SYNE2: variants seen among roughly 807,000 people sequenced by gnomAD.
SYNE2 encodes spectrin repeat containing nuclear envelope protein 2.
A neutral mutation model predicts 856.3 loss-of-function variants in SYNE2; 431 were observed. That is an observed-to-expected ratio of 0.50 (90% CI 0.47 to 0.55). SYNE2 has a LOEUF of 0.55. SYNE2 is among the 20% of genes least tolerant of loss of function. The pLI, the probability that SYNE2 is intolerant of heterozygous loss-of-function variation, is 0.00. For missense variants in SYNE2, 8,129 were observed against 8,023.2 expected (o/e 1.01, Z -0.50); for synonymous variants, 2,923 against 2,872.3 (o/e 1.02, Z -0.56).
chr14:64,177,410 T>C lies in SYNE2; in HGVS notation c.17483T>C (p.Val5828Ala). 1 of 1,614,040 alleles carries C rather than the reference T, an allele frequency of 6.2e-7. No individual in the cohort carries two copies. The highest frequency in any genetic ancestry group is 8.5e-7 in the Non-Finnish European group (1 of 1,179,992). ...AAGGAGTTGAAAAGCAGGCTGCAAG[T>C]TTTAAAGGCACAAAGTGAAGATCCT... The part of the protein sequence containing the change: ...KIKELKSRLQ[V>A]LKAQSEDPLP... The change falls in exon 96 of 116, where the codon GTT (valine) becomes GCT (alanine). Residue 5828 changes from valine to alanine, a missense_variant. Around this residue, in one of 3 missense-constraint regions of SYNE2, gnomAD observed 5,410 missense variants for 5,284.8 expected, o/e 1.02. Transcript: ENST00000555002.
chr14:64,057,218 A>G (rs1363399619), intron 49 of SYNE2, among the ~76,000 whole-genome samples: 3 of 151,828 alleles, frequency 2.0e-5, no homozygotes, highest in Non-Finnish European at 4.4e-5. Context: ...ACTAGATCTT[A>G]TTCATTCTTT....
At chr14:63,797,493 A>G (rs1478901651) in intron 1 of SYNE2, among the ~76,000 whole-genome samples, 4 of 152,134 alleles carry the variant, frequency 2.6e-5, no homozygotes, top group Non-Finnish European at 5.9e-5. Context: ...TTTCTTATCT[A>G]TAAAAACAGA....
At chr14:63,873,291 G>T (rs2094631180) in intron 1 of SYNE2, 1 of 112,232 alleles carries the variant, frequency 8.9e-6, no homozygotes, top group Non-Finnish European at 2.0e-5. Flanking sequence ...GAATGGATAT[G>T]ACTTACTTTT....
chr14:64,204,075 A>G (rs1272603049), intron 100 of SYNE2, among the ~76,000 whole-genome samples: 1 of 152,228 alleles, frequency 6.6e-6, no homozygotes, highest in Admixed American at 6.5e-5. Context: ...GATACCTGTT[A>G]TCTGGCTTTC....
intron 30 of SYNE2, among the ~76,000 whole-genome samples, chr14:64,006,158 A>G (rs1249767882): frequency 1.3e-5 from 2 of 152,238 alleles, no homozygotes; most frequent in Non-Finnish European, 2.9e-5. Context: ...GCTAGGAAGT[A>G]GAGGCTGTGA....
intron 11 of SYNE2, among the ~76,000 whole-genome samples, chr14:63,968,741 G>T (rs573389313): frequency 5.3e-5 from 8 of 152,088 alleles, no homozygotes; most frequent in African/African-American, 1.4e-4. Flanking sequence ...TATTTATGGG[G>T]TACCTGAGAT....
chr14:64,194,597 C>CA (rs2098532617), intron 99 of SYNE2, among the ~76,000 whole-genome samples: 1 of 152,188 alleles, frequency 6.6e-6, no homozygotes, highest in South Asian at 2.1e-4. Context: ...GAGCCACCTG[C>CA]ACCCAGCCTT....
At chr14:64,177,591 T>C in intron 96 of SYNE2, 108 bp downstream of exon 96, 2 of 1,418,058 alleles carry the variant, frequency 1.4e-6, no homozygotes, top group Non-Finnish European at 2.0e-6. Context: ...TCATTTTCAA[T>C]CAGAAAATAT....
Position 64,158,769 on chromosome 14 carries a change from T to C in SYNE2, c.15937T>C (p.Leu5313=), listed in dbSNP as rs2098306042. Residue 5313 remains leucine, a synonymous_variant, in exon 86 of 116, where the codon TTG becomes CTG. Coordinates refer to ENST00000555002, the MANE Select transcript of SYNE2 (RefSeq NM_182914.3). ...GCCTGTGGTGTTATCATTGGAGACC[T>C]TGAGATGCCAGGTGGAGAACCTTCA... ...SKPVVLSLET[L]RCQVENLQSL... The C allele has an allele frequency of 2.5e-6, 4 of 1,613,930 alleles. No individual in the cohort carries two copies. The East Asian group carries it at 6.7e-5, about 27-fold the overall frequency.
chr14:64,091,553 A>C (rs1230641852), intron 60 of SYNE2, among the ~76,000 whole-genome samples: 1 of 152,186 alleles, frequency 6.6e-6, no homozygotes, highest in East Asian at 1.9e-4. Context: ...TTATGTACAC[A>C]TGGAACAAGA....
chr14:64,142,111 A>G, intron 82 of SYNE2, 23 bp downstream of exon 82: 1 of 1,613,798 alleles, frequency 6.2e-7, no homozygotes, highest in South Asian at 1.1e-5. Context: ...AAGGAGCAGA[A>G]GTCTTTTCAT....
Position 63,814,060 on chromosome 14 carries a change from AAAC to A in SYNE2, c.-304-38412_-304-38410del, listed in dbSNP as rs71120290. 7.7e-3 allele frequency among the ~76,000 whole-genome samples: 1,152 copies of A among 149,962 alleles called. 13 individuals are homozygous for A. The highest frequency in any genetic ancestry group is 0.021 in the African/African-American group (840 of 40,426). On this transcript the variant is annotated intron_variant, in intron 1 of 23. Coordinates refer to the SYNE2 transcript ENST00000674003. Reference sequence around the variant, plus strand: ...GCAACACAGCGAGACTCTGTCTCAAAAACAACAACAACAACAACAACAACAACA... The same window carrying A: ...GCAACACAGCGAGACTCTGTCTCAAAAACAACAACAACAACAACAACAACA...
intron 1 of SYNE2, among the ~76,000 whole-genome samples, chr14:63,823,360 A>T (rs1889299999): frequency 2.0e-5 from 3 of 151,952 alleles, no homozygotes; most frequent in Admixed American, 6.6e-5. Flanking sequence ...TATTTTTAGT[A>T]GAGACGGGTT....
chr14:64,063,684 T>G (rs535095327), intron 50 of SYNE2, among the ~76,000 whole-genome samples: 1 of 152,348 alleles, frequency 6.6e-6, no homozygotes, highest in Admixed American at 6.5e-5. Context: ...ACTTTCTAAA[T>G]CATCTGTAGT....
chr14:63,987,980 T>G (rs1230311792), intron 19 of SYNE2, among the ~76,000 whole-genome samples: 1 of 152,238 alleles, frequency 6.6e-6, no homozygotes, highest in Non-Finnish European at 1.5e-5. Flanking sequence ...ATGTAATACA[T>G]TTATATTCAT....
In SYNE2 at chr14:64,065,622, A is replaced by G. The variant is rs1332584991; in HGVS notation, c.10403A>G (p.Lys3468Arg). The G allele has an allele frequency of 6.2e-7, 1 of 1,614,188 alleles. No homozygotes were observed. Among genetic ancestry groups the G allele is most frequent in the Non-Finnish European group, 8.5e-7 (1 of 1,180,024 alleles). Residue 3468 changes from lysine (K) to arginine (R), a missense_variant, in exon 51 of 116, where the codon AAG (lysine) becomes AGG (arginine). Physicochemically the swap from Lys to Arg is conservative, Grantham distance 26. Coordinates refer to ENST00000555002, the MANE Select transcript of SYNE2 (RefSeq NM_182914.3). ...KEWEMWCEEL[K>R]QEWKFVSEEI... ...TGGGAGATGTGGTGCGAAGAACTGA[A>G]GCAGGAATGGAAATTTGTCAGTGAA...
rs147953746 is a variant in SYNE2 at position 64,208,899 on chromosome 14, A to C, written c.18343A>C (p.Arg6115=). Residue 6115 remains arginine (R), a synonymous_variant, in exon 101 of 116, where the codon AGA becomes CGA. Coordinates refer to ENST00000555002, the MANE Select transcript of SYNE2 (RefSeq NM_182914.3). ...CCAGCAGACCACCAGGAGCCTGGAC[A>C]GACGCTGGAGGAACATTTGTGCCAT... ...SIQQTTRSLD[R]RWRNICAMSM... The C allele has an allele frequency of 4.3e-5, 69 of 1,614,228 alleles. No individual in the cohort carries two copies. The African/African-American group carries it at 9.2e-4, about 22-fold the overall frequency.
intron 100 of SYNE2, among the ~76,000 whole-genome samples, chr14:64,206,175 C>T (rs963473023): frequency 6.6e-6 from 1 of 152,346 alleles, no homozygotes; most frequent in African/African-American, 2.4e-5. Flanking sequence ...ACCCCCTGGC[C>T]CCCAAGTTCC....
intron 96 of SYNE2, among the ~76,000 whole-genome samples, chr14:64,179,987 A>AG (rs1387090103): frequency 6.6e-6 from 1 of 152,230 alleles, no homozygotes; most frequent in Non-Finnish European, 1.5e-5. Context: ...CATTCTCTTC[A>AG]AAAAGTTTTT....
Sources: allele counts gnomAD v4.1 joint callset (sites outside exome capture counted in the v4.1 genomes callset), GRCh38; gene constraint gnomAD v4.1.1; regional missense constraint gnomAD v4.1.1; transcripts MANE v1.5; gene names NCBI Gene and HGNC (gene_info 2026-07-23, HGNC 2026-07-21).